Variants in TEX11 observed in about 807,000 individuals in gnomAD.
TEX11 encodes the protein testis-expressed protein 11.
TEX11 carries 7 observed loss-of-function variants against 84.4 expected under a neutral mutation model. That is an observed-to-expected ratio of 0.08 (90% CI 0.05 to 0.16). TEX11 has a LOEUF of 0.16. Ranked by LOEUF, TEX11 falls within the 10% of genes least tolerant of loss-of-function variation. TEX11 has a pLI of 1.00. For missense variants in TEX11, 551 were observed against 660.5 expected, an observed-to-expected ratio of 0.83 and a Z score of 1.82; for synonymous variants, 264 against 222.8, an observed-to-expected ratio of 1.18 and a Z score of -1.64.
At chrX:70,770,981 A>T (rs1395815760) in intron 9 of TEX11, among the ~76,000 whole-genome samples, 2 of 111,971 alleles carry the variant, frequency 1.8e-5, no homozygotes, top group Non-Finnish European at 3.8e-5. Context: ...TATATAGATA[A>T]TTTTAAATGG....
In TEX11 at chrX:70,774,443, G is replaced by T. The variant is rs186807931; in HGVS notation, c.693-30224C>A. ...TGGAAAAGAGGAAGTCCTTGCTGAT[G>T]ATATGATCTTATGTCTAGAAAAACC... On this transcript the variant is annotated intron_variant, in intron 9 of 29. Transcript: ENST00000374333. Among the ~76,000 whole-genome samples, 126 of 110,797 alleles carry T rather than the reference G, an allele frequency of 1.1e-3. 2 individuals carry two copies. The highest frequency in any genetic ancestry group is 8.7e-4 in the Non-Finnish European group (46 of 52,970).
chrX:70,831,406 T>C (rs776922941), intron 8 of TEX11, among the ~76,000 whole-genome samples: 1 of 111,134 alleles, frequency 9.0e-6, no homozygotes, highest in African/African-American at 3.3e-5. Flanking sequence ...GCAAGAGGAC[T>C]GCCTGAGCCC....
chrX:70,689,331 C>T (rs1252365216), intron 13 of TEX11, among the ~76,000 whole-genome samples: 2 of 110,670 alleles, frequency 1.8e-5, no homozygotes, highest in South Asian at 3.8e-4. Context: ...TTCTTTGCTC[C>T]GTCAACTAAT....
chrX:70,542,632 C>T (rs1236438218), intron 28 of TEX11, among the ~76,000 whole-genome samples: 1 of 111,806 alleles, frequency 8.9e-6, no homozygotes, highest in East Asian at 2.8e-4. Flanking sequence ...TAAGAGTACT[C>T]TGCTCAGTCT....
At chrX:70,543,303 G>A (rs374881915) in intron 28 of TEX11, among the ~76,000 whole-genome samples, 192 of 112,430 alleles carry the variant, frequency 1.7e-3, no homozygotes, top group South Asian at 0.013. Flanking sequence ...AAATGGATGG[G>A]AAACTCATGA....
chrX:70,760,422 A>G (rs1294103500), intron 9 of TEX11, among the ~76,000 whole-genome samples: 1 of 111,435 alleles, frequency 9.0e-6, no homozygotes, highest in African/African-American at 3.3e-5. Flanking sequence ...AGAGATATAG[A>G]CCAATGGAAC....
intron 28 of TEX11, among the ~76,000 whole-genome samples, chrX:70,544,892 C>A (rs4844124): frequency 1.0e-5 from 1 of 99,887 alleles, no homozygotes; most frequent in South Asian, 4.4e-4. Context: ...CCAAAAAAAA[C>A]CTTTTTAATT....
intron 9 of TEX11, among the ~76,000 whole-genome samples, chrX:70,772,741 A>G (rs2090978778): frequency 9.0e-6 from 1 of 111,256 alleles, no homozygotes; most frequent in Non-Finnish European, 1.9e-5. Context: ...ACAGACAACT[A>G]AACAAAACCA....
At chrX:70,761,779 TAGA>T (rs1170002824) in intron 9 of TEX11, among the ~76,000 whole-genome samples, 40 of 111,629 alleles carry the variant, frequency 3.6e-4, no homozygotes, top group African/African-American at 1.3e-3. Flanking sequence ...TTCCCAAACC[TAGA>T]AGGAGATATC....
intron 9 of TEX11, among the ~76,000 whole-genome samples, chrX:70,760,732 T>G (rs1270072900): frequency 6.3e-5 from 7 of 111,550 alleles, no homozygotes; most frequent in African/African-American, 2.0e-4. Flanking sequence ...CCAAAAGCAA[T>G]GGCAACAAAA....
At chrX:70,859,324 T>A (rs914720189) in intron 5 of TEX11, among the ~76,000 whole-genome samples, 2 of 108,579 alleles carry the variant, frequency 1.8e-5, no homozygotes, top group Non-Finnish European at 3.8e-5. Context: ...ACTCCTGTAA[T>A]CCCAGCACTT....
intron 11 of TEX11, among the ~76,000 whole-genome samples, chrX:70,732,221 G>A (rs1192464354): frequency 1.8e-5 from 2 of 111,681 alleles, no homozygotes; most frequent in African/African-American, 6.5e-5. Flanking sequence ...AAAACTGGAA[G>A]CATTCCCTTT....
intron 17 of TEX11, among the ~76,000 whole-genome samples, chrX:70,648,271 G>A (rs1302681457): frequency 1.8e-5 from 2 of 110,731 alleles, no homozygotes. Flanking sequence ...TGTGGGATGG[G>A]GGACTGGGGA....
the TEX11 span, among the ~76,000 whole-genome samples, chrX:70,516,931 T>A: frequency 9.0e-6 from 1 of 111,681 alleles, no homozygotes; most frequent in Non-Finnish European, 1.9e-5. Flanking sequence ...TTGTCTGTTA[T>A]TGGTGTATAG....
intron 2 of TEX11, chrX:70,897,608 AAAGGAAGGAAGGAAGGAAGGAAGGAAGG>A (rs199764412): frequency 7.4e-5 from 4 of 53,841 alleles, no homozygotes; most frequent in Non-Finnish European, 9.9e-5. Context: ...AAGAAAGAAA[AAAGGAAGGAAGGAAGGAAGGAAGGAAGG>A]AAGGAAGGAA....
At chrX:70,598,636 T>C (rs1290029196) in intron 24 of TEX11, among the ~76,000 whole-genome samples, 7 of 112,274 alleles carry the variant, frequency 6.2e-5, no homozygotes, top group Non-Finnish European at 1.1e-4. Flanking sequence ...AATGGATGAA[T>C]GGATTTTAAA....
At chrX:70,711,102 T>C (rs766641641) in intron 13 of TEX11, among the ~76,000 whole-genome samples, 5 of 111,123 alleles carry the variant, frequency 4.5e-5, no homozygotes, top group African/African-American at 1.6e-4. Flanking sequence ...TCCATGTCCC[T>C]ACAAGGGACA....
At chrX:70,625,518 C>A (rs1178326361) in intron 18 of TEX11, among the ~76,000 whole-genome samples, 1 of 111,151 alleles carries the variant, frequency 9.0e-6, no homozygotes, top group South Asian at 3.8e-4. Context: ...CACTAGCTTA[C>A]CCATAGGCCT....
rs778707916 is a variant in TEX11 at position 70,839,162 on chromosome X, G to C, written c.526-5569C>G. 1.8e-4 allele frequency among the ~76,000 whole-genome samples: 20 copies of C among 112,160 alleles called. No individual in the cohort carries two copies. The South Asian group carries it at 6.3e-3, about 35-fold the overall frequency. On this transcript the variant is annotated intron_variant, in intron 7 of 29. Transcript: ENST00000374333. ...AGAGTAGTGGTTCTCCCAGCACGCA[G>C]CTTGAGATCTGGGAACGGGCAGACT...
Sources: gnomAD v4.1 joint callset for allele counts (sites outside exome capture counted in the v4.1 genomes callset) on GRCh38, gnomAD v4.1.1 for gene constraint, MANE v1.5 for transcripts, NCBI Gene and HGNC (gene_info 2026-07-23, HGNC 2026-07-21) for gene names.